FLI1: variants seen among roughly 807,000 people sequenced by gnomAD.
FLI1 encodes Fli-1 proto-oncogene, ETS transcription factor, also known as Friend leukemia integration 1 transcription factor.
In FLI1, 13 loss-of-function variants were observed where a neutral mutation model predicts 53.1. The observed-to-expected ratio is 0.24, with a 90% CI of 0.16 to 0.39. The LOEUF is 0.39. FLI1 is among the 10% of genes least tolerant of loss of function. FLI1 has a pLI of 1.00. For missense variants in FLI1, 424 were observed against 600.5 expected, an observed-to-expected ratio of 0.71 and a Z score of 3.07; for synonymous variants, 244 against 236.7, an observed-to-expected ratio of 1.03 and a Z score of -0.28.
intron 1 of FLI1, among the ~76,000 whole-genome samples, chr11:128,705,283 T>C (rs954789383): frequency 5.9e-5 from 9 of 152,240 alleles, no homozygotes; most frequent in South Asian, 2.1e-4. Flanking sequence ...ATTTCCCAGG[T>C]AAGAAAGCCT....
chr11:128,782,829 G>A lies in FLI1; in HGVS notation c.655+806G>A, dbSNP rs188313461. ...TTTGCCAGTGAAGATTTTAGTACAC[G>A]TCACAATAGAATTCCTCAGCGTCTT... On this transcript the variant is annotated intron_variant, in intron 5 of 8. Transcript: ENST00000527786. 7.4e-3 allele frequency among the ~76,000 whole-genome samples: 1,134 copies of A among 152,270 alleles called. 4 individuals are homozygous for A. The highest frequency in any genetic ancestry group is 0.031 in the Middle Eastern group (9 of 294).
At chr11:128,723,293 G>A (rs79686227) in intron 1 of FLI1, among the ~76,000 whole-genome samples, 4,664 of 152,206 alleles carry the variant, frequency 0.031, 113 homozygotes, top group South Asian at 0.085. Context: ...AGTGTAGGCG[G>A]GATGGAAGCT....
rs988058180 is a variant in FLI1 at position 128,793,766 on chromosome 11, T to G, written c.656-11600T>G. ...CTACATTAATGATGGTGACAATGAA[T>G]GCATGAGCCCTGCTACATTTTAGTA... On this transcript the variant is annotated intron_variant, in intron 5 of 8. Transcript: ENST00000527786. Among the ~76,000 whole-genome samples, 4 of 152,220 alleles carry G rather than the reference T, an allele frequency of 2.6e-5. No individual in the cohort carries two copies. The South Asian group carries it at 8.3e-4, about 32-fold the overall frequency.
intron 5 of FLI1, among the ~76,000 whole-genome samples, chr11:128,785,742 T>C (rs1261752545): frequency 6.6e-6 from 1 of 152,192 alleles, no homozygotes; most frequent in Non-Finnish European, 1.5e-5. Context: ...TCTTTCAAAA[T>C]ACTGACTCTA....
At chr11:128,775,322 G>A (rs1467251675) in intron 4 of FLI1, among the ~76,000 whole-genome samples, 1 of 151,658 alleles carries the variant, frequency 6.6e-6, no homozygotes, top group East Asian at 1.9e-4. Flanking sequence ...AACCATGTCT[G>A]CCTGCGAAAG....
At chr11:128,791,174 C>A (rs910193782) in intron 5 of FLI1, among the ~76,000 whole-genome samples, 1 of 152,114 alleles carries the variant, frequency 6.6e-6, no homozygotes, top group Non-Finnish European at 1.5e-5. Flanking sequence ...CCCCCTGGAG[C>A]GTAGAGGTGT....
intron 2 of FLI1, among the ~76,000 whole-genome samples, chr11:128,760,849 T>C (rs1199772589): frequency 6.6e-6 from 1 of 152,102 alleles, no homozygotes; most frequent in Non-Finnish European, 1.5e-5. Flanking sequence ...TCTGGCCTGT[T>C]GTAACCTGAA....
intron 2 of FLI1, among the ~76,000 whole-genome samples, chr11:128,759,525 GT>G (rs1309454482): frequency 6.6e-6 from 1 of 152,232 alleles, no homozygotes; most frequent in Non-Finnish European, 1.5e-5. Flanking sequence ...ATTTTGGAAA[GT>G]GAAAAGGACA....
At chr11:128,744,341 G>A (rs637002) in intron 1 of FLI1, among the ~76,000 whole-genome samples, 1 of 152,072 alleles carries the variant, frequency 6.6e-6, no homozygotes, top group Non-Finnish European at 1.5e-5. Flanking sequence ...TACGGATCAT[G>A]TAGCTCAGTC....
intron 6 of FLI1, chr11:128,806,277 G>C (rs755279652): frequency 6.6e-6 from 1 of 152,182 alleles, no homozygotes; most frequent in Non-Finnish European, 1.5e-5. Context: ...ATAAGCGGGA[G>C]AGAGAAATCA....
intron 5 of FLI1, among the ~76,000 whole-genome samples, chr11:128,784,190 T>C (rs1276476841): frequency 6.6e-6 from 1 of 151,708 alleles, no homozygotes; most frequent in Non-Finnish European, 1.5e-5. Context: ...TAGAAACTGG[T>C]TTAGCCAAGT....
rs1459177409 is a variant in FLI1, at chr11:128,796,945, A to G, written c.656-8421A>G. Among the ~76,000 whole-genome samples the G allele has an allele frequency of 2.0e-5, 3 of 152,274 alleles. No homozygotes were observed. The East Asian group carries it at 5.8e-4, about 29-fold the overall frequency. On this transcript the variant is annotated intron_variant, in intron 5 of 8. Transcript: ENST00000527786. ...AGCCGAGATTGCGCCATTGCACTCC[A>G]GCCTGGGGGACAAGAGCAAGACTTC...
At chr11:128,800,047 G>A (rs1053333375) in intron 5 of FLI1, among the ~76,000 whole-genome samples, 2 of 152,186 alleles carry the variant, frequency 1.3e-5, no homozygotes, top group African/African-American at 4.8e-5. Flanking sequence ...CTCCTCGTGG[G>A]CTTGGCTCTC....
At chr11:128,748,741 C>T (rs1405511430) in intron 1 of FLI1, among the ~76,000 whole-genome samples, 2 of 152,000 alleles carry the variant, frequency 1.3e-5, no homozygotes, top group East Asian at 1.9e-4. Context: ...AAAGTGGAAA[C>T]GGTTTAGGGG....
At chr11:128,704,762 C>T (rs981931114) in intron 1 of FLI1, among the ~76,000 whole-genome samples, 1 of 152,178 alleles carries the variant, frequency 6.6e-6, no homozygotes, top group East Asian at 1.9e-4. Flanking sequence ...TGCATGGGTC[C>T]TCATGACCCC....
chr11:128,707,009 A>G (rs764777740), intron 1 of FLI1, among the ~76,000 whole-genome samples: 1 of 152,238 alleles, frequency 6.6e-6, no homozygotes, highest in Non-Finnish European at 1.5e-5. Context: ...ATATTCACAA[A>G]GAAGAAAATA....
intron 1 of FLI1, among the ~76,000 whole-genome samples, chr11:128,720,143 T>C (rs1591751609): frequency 6.6e-6 from 1 of 152,228 alleles, no homozygotes; most frequent in Admixed American, 6.5e-5. Flanking sequence ...ATATATGTAT[T>C]ATTTTATCTA....
chr11:128,711,479 T>C (rs1258043264), intron 1 of FLI1, among the ~76,000 whole-genome samples: 1 of 152,258 alleles, frequency 6.6e-6, no homozygotes, highest in Non-Finnish European at 1.5e-5. Flanking sequence ...AATTCTCTGC[T>C]GACCTTTAAG....
chr11:128,763,353 C>T (rs1056234088), intron 2 of FLI1, among the ~76,000 whole-genome samples: 2 of 152,158 alleles, frequency 1.3e-5, no homozygotes, highest in Non-Finnish European at 2.9e-5. Flanking sequence ...GGCTGGGTTG[C>T]CTTGAAACAG....
Sources: allele counts gnomAD v4.1 joint callset (sites outside exome capture counted in the v4.1 genomes callset), GRCh38; gene constraint gnomAD v4.1.1; transcripts MANE v1.5; gene names NCBI Gene and HGNC (gene_info 2026-07-23, HGNC 2026-07-21).